CNGB3: variants seen among roughly 807,000 people sequenced by gnomAD.
CNGB3 encodes cyclic nucleotide gated channel subunit beta 3, also known as cyclic nucleotide-gated channel beta-3.
Under a neutral mutation model 92.8 loss-of-function variants are expected in CNGB3, and 86 were observed. The observed-to-expected ratio is 0.93, with a 90% CI of 0.78 to 1.11. CNGB3 has a LOEUF of 1.11. CNGB3 is among the 50% of genes least tolerant of loss of function. The pLI is 0.00. For synonymous variants in CNGB3, 333 were observed against 332.7 expected (o/e 1.00, Z -0.01); for missense variants, 1,026 against 956.8 (o/e 1.07, Z -0.95).
At chr8:86,611,720 T>C (rs1388248395) in intron 13 of CNGB3, 49 bp from the exon 14 acceptor site, 5 of 1,266,864 alleles carry the variant, frequency 3.9e-6, no homozygotes, top group Non-Finnish European at 4.6e-6. Context: ...AAGGCCAATA[T>C]TCCAAATGAA....
At chr8:86,705,697 G>T (rs1824640557) in intron 3 of CNGB3, among the ~76,000 whole-genome samples, 1 of 152,286 alleles carries the variant, frequency 6.6e-6, no homozygotes, top group South Asian at 2.1e-4. Flanking sequence ...AGGAGTTATA[G>T]CCTGAGTTAT....
intron 3 of CNGB3, among the ~76,000 whole-genome samples, chr8:86,684,075 G>T (rs1165230537): frequency 2.0e-5 from 3 of 152,050 alleles, no homozygotes; most frequent in Non-Finnish European, 4.4e-5. Flanking sequence ...CAGAGTGGGA[G>T]AAAATATTCA....
chr8:86,612,883 T>C (rs188041277), intron 13 of CNGB3, among the ~76,000 whole-genome samples: 167 of 152,344 alleles, frequency 1.1e-3, no homozygotes, highest in Non-Finnish European at 2.0e-3. Context: ...CTTTGTATGA[T>C]AACCTTGGAG....
chr8:86,654,778 T>C (rs900977220), intron 6 of CNGB3, among the ~76,000 whole-genome samples: 3 of 152,208 alleles, frequency 2.0e-5, no homozygotes, highest in African/African-American at 7.2e-5. Context: ...TCAGTTTTCT[T>C]GGATTCTTGG....
At chr8:86,601,604 C>A (rs142503019) in intron 15 of CNGB3, among the ~76,000 whole-genome samples, 3 of 152,062 alleles carry the variant, frequency 2.0e-5, no homozygotes, top group African/African-American at 7.2e-5. Flanking sequence ...AAGGTCACAG[C>A]ATTTTTGAGT....
rs1238085524 is a variant in CNGB3, at chr8:86,658,285, T to A, written c.853-4223A>T. 9.7e-6 allele frequency: 5 copies of A among 515,618 alleles called. No individual in the cohort carries two copies. In the Admixed American group the frequency reaches 1.4e-4, roughly 14 times the overall value. The allele number at this position is 515,618 out of a possible 1,614,324, so 31.9% of individuals were successfully genotyped here. On this transcript the variant is annotated intron_variant, in intron 6 of 17. Coordinates refer to ENST00000320005, the MANE Select transcript of CNGB3 (RefSeq NM_019098.5). ...ACAGCTGAGTTTAAAAATGCCACCA[T>A]GGCCTCCCGACTCTCCAGTTCCTCC...
At chr8:86,722,005 C>G (rs1418336309) in intron 3 of CNGB3, among the ~76,000 whole-genome samples, 1 of 152,090 alleles carries the variant, frequency 6.6e-6, no homozygotes, top group Non-Finnish European at 1.5e-5. Flanking sequence ...CTATTATGAA[C>G]AAAGAAGACT....
chr8:86,634,791 G>A (rs377667836), intron 10 of CNGB3, among the ~76,000 whole-genome samples: 17 of 151,498 alleles, frequency 1.1e-4, no homozygotes, highest in African/African-American at 3.6e-4. Flanking sequence ...CTTTGAACAA[G>A]GGTGGTCTTT....
intron 15 of CNGB3, among the ~76,000 whole-genome samples, chr8:86,592,769 T>G (rs901688545): frequency 3.3e-5 from 5 of 152,226 alleles, no homozygotes; most frequent in Non-Finnish European, 7.3e-5. Context: ...AGTAAGGGAT[T>G]AAAACTCCAA....
At chr8:86,602,850 G>A (rs746674694) in intron 15 of CNGB3, among the ~76,000 whole-genome samples, 19 of 152,156 alleles carry the variant, frequency 1.2e-4, no homozygotes, top group Middle Eastern at 3.4e-3. Flanking sequence ...CCCTCTACTG[G>A]CATTCATTCA....
intron 6 of CNGB3, chr8:86,658,190 A>G (rs538418876): frequency 1.3e-5 from 7 of 553,448 alleles, no homozygotes; most frequent in South Asian, 1.2e-4. Flanking sequence ...AGACACTGAC[A>G]GCCTGACAGC....
intron 10 of CNGB3, among the ~76,000 whole-genome samples, chr8:86,643,097 T>TACACACACAC (rs3077207): frequency 1.1e-4 from 17 of 149,116 alleles, no homozygotes; most frequent in African/African-American, 4.1e-4. Flanking sequence ...CAACTCAGGA[T>TACACACACAC]ACACACACAC....
intron 2 of CNGB3, among the ~76,000 whole-genome samples, chr8:86,734,048 G>C: frequency 6.6e-6 from 1 of 151,966 alleles, no homozygotes. Context: ...AAAAAATTTG[G>C]GGGGATAGAG....
intron 3 of CNGB3, among the ~76,000 whole-genome samples, chr8:86,699,906 C>T (rs1226047293): frequency 1.3e-5 from 2 of 151,758 alleles, no homozygotes; most frequent in Non-Finnish European, 2.9e-5. Flanking sequence ...CTTTTTTTCT[C>T]CTTCCCATCC....
intron 15 of CNGB3, among the ~76,000 whole-genome samples, chr8:86,603,408 A>C (rs1822347676): frequency 6.6e-6 from 1 of 152,210 alleles, no homozygotes; most frequent in Non-Finnish European, 1.5e-5. Flanking sequence ...TTTAGCTCAC[A>C]AAATGCTTAA....
chr8:86,622,253 T>C (rs552587018), intron 13 of CNGB3, among the ~76,000 whole-genome samples: 2 of 152,240 alleles, frequency 1.3e-5, no homozygotes, highest in African/African-American at 4.8e-5. Flanking sequence ...GTAGAGTAAG[T>C]CTCATTCCTT....
In CNGB3 at chr8:86,589,718, G is replaced by T. The variant is rs538992785; in HGVS notation, c.1782-10466C>A. 4.1e-3 allele frequency among the ~76,000 whole-genome samples: 619 copies of T among 152,084 alleles called. 3 individuals carry two copies. Among genetic ancestry groups the T allele is most frequent in the South Asian group, 0.018 (86 of 4,804 alleles). ...GGTCTGAGAGATAGTTTGTTATAATGTCTGTTCTTTTACATTTGCTGAGGA... is the reference window on the plus strand; with the variant it reads ...GGTCTGAGAGATAGTTTGTTATAATTTCTGTTCTTTTACATTTGCTGAGGA... On this transcript the variant is annotated intron_variant, in intron 15 of 17. Transcript: ENST00000320005.
chr8:86,654,119 T>C, intron 6 of CNGB3, 57 bp from the exon 7 acceptor site: 1 of 1,168,646 alleles, frequency 8.6e-7, no homozygotes. Flanking sequence ...TATTTTTTTC[T>C]CACTTTTAAA....
At chr8:86,675,089 G>T (rs1823939913) in intron 3 of CNGB3, among the ~76,000 whole-genome samples, 1 of 152,024 alleles carries the variant, frequency 6.6e-6, no homozygotes, top group African/African-American at 2.4e-5. Flanking sequence ...CTCCCGAGTA[G>T]CTGGGGTTAC....
Sources: gnomAD v4.1 joint callset for allele counts (sites outside exome capture counted in the v4.1 genomes callset) on GRCh38, gnomAD v4.1.1 for gene constraint, MANE v1.5 for transcripts, NCBI Gene and HGNC (gene_info 2026-07-23, HGNC 2026-07-21) for gene names.